The following BIRC6 variants were observed in gnomAD, a reference collection of about 807,000 sequenced individuals.
BIRC6 encodes dual E2 ubiquitin-conjugating enzyme/E3 ubiquitin-protein ligase BIRC6.
Under a neutral mutation model 503.3 loss-of-function variants are expected in BIRC6, and 98 were observed. The observed-to-expected ratio is 0.19, with a 90% CI of 0.17 to 0.23. The LOEUF is 0.23. BIRC6 is among the 10% of genes least tolerant of loss of function. The pLI, the probability that BIRC6 is intolerant of heterozygous loss-of-function variation, is 1.00. For missense variants in BIRC6, 5,360 were observed against 5,806.0 expected (o/e 0.92, Z 2.50); for synonymous variants, 2,240 against 2,078.7 (o/e 1.08, Z -2.11).
At chr2:32,524,552 G>A (rs1264882938) in intron 57 of BIRC6, among the ~76,000 whole-genome samples, 1 of 152,156 alleles carries the variant, frequency 6.6e-6, no homozygotes, top group African/African-American at 2.4e-5. Flanking sequence ...AGATGCAGTT[G>A]CCAAGCACAT....
chr2:32,501,753 T>C lies in BIRC6; in HGVS notation c.9072T>C (p.His3024=), dbSNP rs1319693528. 3 of 1,612,672 alleles carry C rather than the reference T, an allele frequency of 1.9e-6. No homozygotes were observed. Among genetic ancestry groups the C allele is most frequent in the South Asian group, 2.2e-5 (2 of 90,740 alleles). The change falls in exon 47 of 74, where the codon CAT becomes CAC. Residue 3024 remains histidine (H), a synonymous_variant. Transcript: ENST00000421745. The stretch of plus-strand genomic sequence containing the variant: ...ATCTCACTAAACATGAAAACTTTCA[T>C]GGTGGGTTGGATGCCATATCAGTTG... The part of the protein sequence containing the change: ...GLHLTKHENF[H]GGLDAISVGD...
At chr2:32,501,051 C>T (rs1161797351) in intron 46 of BIRC6, among the ~76,000 whole-genome samples, 1 of 152,138 alleles carries the variant, frequency 6.6e-6, no homozygotes, top group Non-Finnish European at 1.5e-5. Context: ...CATACTGTAA[C>T]ATTTTCTATG....
rs564223613 is a variant in BIRC6 at position 32,545,243 on chromosome 2, G to C, written c.12593-400G>C. On this transcript the variant is annotated intron_variant, in intron 62 of 73. Transcript: ENST00000421745. ...GTAGAACACTGTTGGGAAAAAAATA[G>C]TTTTACTTGTTCATTATCTGTTCTT... Among the ~76,000 whole-genome samples the C allele has an allele frequency of 5.3e-5, 8 of 152,222 alleles. No homozygotes were observed. In the South Asian group the frequency reaches 1.5e-3, roughly 28 times the overall value.
At chr2:32,613,312 G>A (rs1471176209) in intron 73 of BIRC6, among the ~76,000 whole-genome samples, 1 of 151,934 alleles carries the variant, frequency 6.6e-6, no homozygotes, top group African/African-American at 2.4e-5. Flanking sequence ...AGCCTCCTGA[G>A]TAGCTGGGAT....
At chr2:32,518,769 G>T in intron 56 of BIRC6, 48 bp from the exon 57 acceptor site, 1 of 1,573,246 alleles carries the variant, frequency 6.4e-7, no homozygotes, top group Non-Finnish European at 8.7e-7. Context: ...ATAACAATAT[G>T]TATTCCAAAA....
chr2:32,403,490 TAAGG>T (rs1269113104), intron 8 of BIRC6, among the ~76,000 whole-genome samples: 2 of 152,224 alleles, frequency 1.3e-5, no homozygotes, highest in Admixed American at 6.5e-5. Flanking sequence ...TCTTCTGAAT[TAAGG>T]AAGAAGATAT....
At chr2:32,561,065 G>T (rs1425054792) in intron 65 of BIRC6, among the ~76,000 whole-genome samples, 3 of 151,634 alleles carry the variant, frequency 2.0e-5, no homozygotes, top group Admixed American at 6.6e-5. Flanking sequence ...GGGCGTGGTG[G>T]CACGTGCCTG....
rs185822943 is a variant in BIRC6, at chr2:32,414,716, G to C, written c.1478-53G>C. The stretch of plus-strand genomic sequence containing the variant: ...ATAATTTTACTTGTGTATTCATAAT[G>C]TGCTGACTGGATGAGTAGAAACATA... On this transcript the variant is annotated intron_variant, in intron 9 of 73. Transcript: ENST00000421745. 53 of 1,350,918 alleles carry C rather than the reference G, an allele frequency of 3.9e-5. No homozygotes were observed. In the East Asian group the frequency reaches 9.3e-4, roughly 24 times the overall value. The allele number at this position is 1,350,918 out of a possible 1,614,324, so 83.7% of individuals were successfully genotyped here. A position where few individuals can be genotyped will look rare whatever the true frequency, so the allele number is the denominator to read the frequency against.
chr2:32,395,235 T>C (rs2039739798), intron 5 of BIRC6, among the ~76,000 whole-genome samples: 1 of 152,152 alleles, frequency 6.6e-6, no homozygotes, highest in East Asian at 1.9e-4. Context: ...TTTCAGATGC[T>C]TTAGTATAGC....
chr2:32,579,314 C>G lies in BIRC6; in HGVS notation c.13355+3948C>G, dbSNP rs1288048117. The stretch of plus-strand genomic sequence containing the variant: ...TCTATCCTGAGGCCACTGCCTAAAC[C>G]CAATTAATTTTGATCTGATAATTCA... On this transcript the variant is annotated intron_variant, in intron 66 of 73. Transcript: ENST00000421745. 9.9e-5 allele frequency among the ~76,000 whole-genome samples: 15 copies of G among 151,836 alleles called. 1 individual carries two copies. The highest frequency in any genetic ancestry group is 7.4e-5 in the Non-Finnish European group (5 of 67,990).
intron 3 of BIRC6, among the ~76,000 whole-genome samples, chr2:32,388,031 C>T (rs2038727901): frequency 6.6e-6 from 1 of 152,022 alleles, no homozygotes; most frequent in African/African-American, 2.4e-5. Flanking sequence ...TATCAACTCA[C>T]CTACTTACCA....
intron 73 of BIRC6, among the ~76,000 whole-genome samples, chr2:32,615,676 A>T (rs1443285883): frequency 1.3e-5 from 2 of 152,046 alleles, no homozygotes; most frequent in Admixed American, 1.3e-4. Context: ...CTCTGCTGCC[A>T]GGCTGGAGTG....
chr2:32,545,824 C>T lies in BIRC6; in HGVS notation c.12774C>T (p.Ser4258=). 1 of 1,613,818 alleles carries T rather than the reference C, an allele frequency of 6.2e-7. No individual in the cohort carries two copies. Among genetic ancestry groups the T allele is most frequent in the South Asian group, 1.1e-5 (1 of 91,076 alleles). ...LVCLSALSHH[S]PRVPNSSVNQ... is the part of the protein sequence containing the mutation. ...GTCTCTCTGCTTTGAGCCACCATTC[C>T]CCACGAGTTCCAAACTCTAGCGTGA... Residue 4258 remains serine (S), a synonymous_variant, in exon 63 of 74, where the codon TCC becomes TCT. Coordinates refer to ENST00000421745, the MANE Select transcript of BIRC6 (RefSeq NM_016252.4).
At chr2:32,438,673 C>T (rs1361401610) in intron 15 of BIRC6, among the ~76,000 whole-genome samples, 1 of 151,420 alleles carries the variant, frequency 6.6e-6, no homozygotes, top group Non-Finnish European at 1.5e-5. Context: ...CATTCTCCTG[C>T]CTCAGCCTCC....
intron 61 of BIRC6, among the ~76,000 whole-genome samples, chr2:32,537,182 A>T (rs1282824484): frequency 6.6e-6 from 1 of 152,136 alleles, no homozygotes; most frequent in Non-Finnish European, 1.5e-5. Flanking sequence ...GGTTTTCTAG[A>T]TATACAATCT....
chr2:32,592,243 G>T (rs1026301052), intron 66 of BIRC6, among the ~76,000 whole-genome samples: 3 of 152,180 alleles, frequency 2.0e-5, no homozygotes, highest in African/African-American at 7.2e-5. Flanking sequence ...AAGTGGCCAT[G>T]TGTTCTCTGA....
chr2:32,453,774 T>C (rs2046958860), intron 22 of BIRC6, 34 bp from the exon 23 acceptor site: 2 of 1,603,534 alleles, frequency 1.2e-6, no homozygotes, highest in African/African-American at 1.3e-5. Context: ...AAAAATTATC[T>C]TCACGTGTTA....
rs138534796 is a variant in BIRC6 at position 32,541,343 on chromosome 2, A to G, written c.12292-1898A>G. ...TTCTGGCCTAAGCTTCAGTAGTGAA[A>G]ATAAGCTGGCATCAAAATTGCACCT... On this transcript the variant is annotated intron_variant, in intron 61 of 73. Transcript: ENST00000421745. Among the ~76,000 whole-genome samples, 446 of 152,222 alleles carry G rather than the reference A, an allele frequency of 2.9e-3. 7 individuals are homozygous for G. The highest frequency in any genetic ancestry group is 0.01 in the African/African-American group (434 of 41,554).
chr2:32,394,854 T>TA (rs1272561482), intron 5 of BIRC6, among the ~76,000 whole-genome samples: 1 of 151,854 alleles, frequency 6.6e-6, no homozygotes, highest in Admixed American at 6.6e-5. Context: ...TCTGTCTCTT[T>TA]AAAAAAACAA....
Sources: allele counts gnomAD v4.1 joint callset (sites outside exome capture counted in the v4.1 genomes callset), GRCh38; gene constraint gnomAD v4.1.1; transcripts MANE v1.5; gene names NCBI Gene and HGNC (gene_info 2026-07-23, HGNC 2026-07-21).